The following CREM variants were observed in gnomAD, a reference collection of about 807,000 sequenced individuals.
CREM encodes the protein cAMP-responsive element modulator.
A neutral mutation model predicts 37.3 loss-of-function variants in CREM; 13 were observed. That is an observed-to-expected ratio of 0.35 (90% CI 0.23 to 0.55). CREM has a LOEUF of 0.55. Among genes scored for constraint, CREM ranks in the 20% least tolerant of loss-of-function variants. CREM has a pLI of 0.88. For synonymous variants in CREM, 124 were observed against 120.2 expected (o/e 1.03, Z -0.21); for missense variants, 296 against 362.3 (o/e 0.82, Z 1.49).
intron 2 of CREM, among the ~76,000 whole-genome samples, chr10:35,145,050 A>T (rs182473545): frequency 2.6e-5 from 4 of 151,320 alleles, no homozygotes; most frequent in Admixed American, 2.0e-4. Flanking sequence ...AATCCCAGAT[A>T]CTTGAGAGGC....
intron 3 of CREM, among the ~76,000 whole-genome samples, chr10:35,153,441 C>G (rs1239281136): frequency 6.6e-6 from 1 of 151,978 alleles, no homozygotes; most frequent in Non-Finnish European, 1.5e-5. Context: ...TGTCATTATA[C>G]CTAGTTAAGT....
chr10:35,196,285 C>T (rs2095164670), intron 6 of CREM: 5 of 535,642 alleles, frequency 9.3e-6, no homozygotes, highest in South Asian at 2.7e-5. Flanking sequence ...GTTCTCCCAG[C>T]CTCTGGTATT....
At chr10:35,207,276 CCCAG>C (rs2095550229) in intron 7 of CREM, among the ~76,000 whole-genome samples, 2 of 151,982 alleles carry the variant, frequency 1.3e-5, no homozygotes, top group Non-Finnish European at 2.9e-5. Flanking sequence ...TGCCTGTAGT[CCCAG>C]CCACTTGGGA....
At chr10:35,187,087 A>T (rs1485905125) in intron 5 of CREM, among the ~76,000 whole-genome samples, 4 of 49,592 alleles carry the variant, frequency 8.1e-5, no homozygotes, top group African/African-American at 2.8e-4. Context: ...TATATATAAT[A>T]TATAATATAT....
At chr10:35,196,122 G>GGC in intron 6 of CREM, 1 of 1,613,776 alleles carries the variant, frequency 6.2e-7, no homozygotes, top group Non-Finnish European at 8.5e-7. Flanking sequence ...CTCCTACTGA[G>GGC]GCCGTCCCTG....
chr10:35,140,711 A>G (rs977121287), intron 2 of CREM, among the ~76,000 whole-genome samples: 4 of 152,214 alleles, frequency 2.6e-5, no homozygotes, highest in African/African-American at 4.8e-5. Flanking sequence ...GCCCATGGCT[A>G]TTAGAATAGG....
At chr10:35,193,118 A>G (rs2094990415) in intron 6 of CREM, among the ~76,000 whole-genome samples, 1 of 152,170 alleles carries the variant, frequency 6.6e-6, no homozygotes, top group Non-Finnish European at 1.5e-5. Context: ...CCTTAGGCAC[A>G]TATCATGTTG....
chr10:35,196,261 C>T, intron 6 of CREM: 1 of 566,028 alleles, frequency 1.8e-6, no homozygotes, highest in East Asian at 3.2e-5. Context: ...CAGGGAAGTG[C>T]TTGTCTTTTA....
intron 3 of CREM, among the ~76,000 whole-genome samples, chr10:35,155,966 G>C (rs2092882942): frequency 6.8e-6 from 1 of 147,262 alleles, no homozygotes; most frequent in South Asian, 2.1e-4. Context: ...TTGAGACAGA[G>C]TCTTGCCCTG....
At chr10:35,187,342 C>T (rs1470250004) in intron 5 of CREM, among the ~76,000 whole-genome samples, 1 of 144,996 alleles carries the variant, frequency 6.9e-6, no homozygotes, top group Non-Finnish European at 1.5e-5. Context: ...TCACTGCAAC[C>T]TCCAACTCCC....
intron 1 of CREM, chr10:35,127,641 G>A (rs12765063): frequency 0.14 from 20,697 of 152,436 alleles, 1,603 homozygotes; most frequent in South Asian, 0.2. Flanking sequence ...GAAAGCGGAC[G>A]CAGCCCGTTT....
chr10:35,169,306 T>C (rs550429516), intron 3 of CREM, among the ~76,000 whole-genome samples: 1 of 152,318 alleles, frequency 6.6e-6, no homozygotes, highest in Admixed American at 6.5e-5. Context: ...CTTGAAGAGG[T>C]CCTTCACATC....
intron 2 of CREM, among the ~76,000 whole-genome samples, chr10:35,138,223 A>T (rs867232807): frequency 3.3e-5 from 5 of 152,312 alleles, no homozygotes; most frequent in Middle Eastern, 3.4e-3. Flanking sequence ...CCATACTTGT[A>T]CTTAACCTTA....
chr10:35,211,161 G>A, intron 7 of CREM, 93 bp from the exon 8 acceptor site: 9 of 1,383,344 alleles, frequency 6.5e-6, no homozygotes, highest in Non-Finnish European at 8.9e-6. Flanking sequence ...AGGATCGATT[G>A]GCTGTTGAGT....
intron 3 of CREM, among the ~76,000 whole-genome samples, chr10:35,161,105 CAT>C (rs760824117): frequency 2.0e-5 from 3 of 152,080 alleles, no homozygotes; most frequent in Non-Finnish European, 4.4e-5. Context: ...TATTATCAAG[CAT>C]ATGTACTGTA....
intron 6 of CREM, chr10:35,196,312 A>G: frequency 1.9e-6 from 1 of 535,118 alleles, no homozygotes; most frequent in Non-Finnish European, 3.3e-6. Context: ...TGTAATCGGT[A>G]ATTTTTCACT....
At chr10:35,208,079 TGTAA>T (rs1336915623) in intron 7 of CREM, among the ~76,000 whole-genome samples, 2 of 152,232 alleles carry the variant, frequency 1.3e-5, no homozygotes, top group Non-Finnish European at 2.9e-5. Flanking sequence ...AAAAATGAAG[TGTAA>T]GTGAGGCGTT....
rs1434866869 is a variant in CREM at position 35,179,125 on chromosome 10, G to T, written c.267-9G>T. ...TCTTAGTGACTTACCTTGTTAAATT[G>T]TATTTTAGGAAAATACTGAATGAAC... On this transcript the variant is annotated splice_polypyrimidine_tract_variant and intron_variant, in intron 4 of 7. Transcript: ENST00000685392. 1 of 1,605,472 alleles carries T rather than the reference G, an allele frequency of 6.2e-7. No individual in the cohort carries two copies. The highest frequency in any genetic ancestry group is 1.1e-5 in the South Asian group (1 of 89,828).
chr10:35,206,889 C>T lies in CREM; in HGVS notation c.599-6C>T, dbSNP rs1415987352. The T allele has an allele frequency of 3.1e-6, 5 of 1,612,918 alleles. No individual in the cohort carries two copies. Among genetic ancestry groups the T allele is most frequent in the Non-Finnish European group, 3.4e-6 (4 of 1,179,742 alleles). On this transcript the variant is annotated splice_region_variant and splice_polypyrimidine_tract_variant and intron_variant, in intron 6 of 7. Coordinates refer to ENST00000685392, the MANE Select transcript of CREM (RefSeq NM_183011.2). ...TATAAGCTCAAAATATTTTGTTTTA[C>T]TGCAGCTGCCACTGGTGACATGCCA...
Sources: allele counts gnomAD v4.1 joint callset (sites outside exome capture counted in the v4.1 genomes callset), GRCh38; gene constraint gnomAD v4.1.1; transcripts MANE v1.5; gene names NCBI Gene and HGNC (gene_info 2026-07-23, HGNC 2026-07-21).